The following AK4 variants were observed in gnomAD, a reference collection of about 807,000 sequenced individuals.
AK4 encodes adenylate kinase 4, also known as adenylate kinase 4, mitochondrial.
In AK4, 13 loss-of-function variants were observed where a neutral mutation model predicts 24.6. The ratio of observed to expected loss-of-function variants is 0.53; its 90% CI spans 0.34 to 0.84. The LOEUF is 0.84. Among genes scored for constraint, AK4 ranks in the 40% least tolerant of loss-of-function variants. AK4 has a pLI of 0.01. For synonymous variants in AK4, 88 were observed against 107.0 expected, an observed-to-expected ratio of 0.82 and a Z score of 1.10; for missense variants, 192 against 288.2, an observed-to-expected ratio of 0.67 and a Z score of 2.42.
intron 1 of AK4, among the ~76,000 whole-genome samples, chr1:65,150,279 C>T (rs542346017): frequency 3.3e-5 from 4 of 122,580 alleles, no homozygotes; most frequent in East Asian, 5.2e-4. Flanking sequence ...CTTTCTCTCT[C>T]TCTCTCTTTT....
chr1:65,172,816 T>C (rs1481855824), intron 1 of AK4, among the ~76,000 whole-genome samples: 1 of 151,854 alleles, frequency 6.6e-6, no homozygotes, highest in Non-Finnish European at 1.5e-5. Flanking sequence ...CTCTTCTTCT[T>C]CGCTATTTCT....
intron 1 of AK4, among the ~76,000 whole-genome samples, chr1:65,183,719 T>C (rs929744145): frequency 1.3e-5 from 2 of 151,804 alleles, no homozygotes; most frequent in Admixed American, 1.3e-4. Context: ...GTTCTCATGG[T>C]TTTTCTAAAG....
chr1:65,212,770 A>G (rs1652011062), intron 2 of AK4, among the ~76,000 whole-genome samples: 1 of 152,190 alleles, frequency 6.6e-6, no homozygotes, highest in Non-Finnish European at 1.5e-5. Context: ...AGAAAGAGAG[A>G]ACACTTTAGC....
intron 1 of AK4, among the ~76,000 whole-genome samples, chr1:65,178,072 A>G (rs915128751): frequency 2.6e-5 from 4 of 152,138 alleles, no homozygotes; most frequent in Non-Finnish European, 5.9e-5. Flanking sequence ...TAAAGGGTGT[A>G]ATGAGAAGTT....
chr1:65,151,429 TTTA>T (rs1028744307), intron 1 of AK4, among the ~76,000 whole-genome samples: 13 of 152,232 alleles, frequency 8.5e-5, no homozygotes, highest in African/African-American at 2.9e-4. Context: ...TTGTGCCTCT[TTTA>T]TTATTATTTA....
intron 1 of AK4, among the ~76,000 whole-genome samples, chr1:65,183,360 C>T (rs1650973357): frequency 1.3e-5 from 2 of 152,248 alleles, no homozygotes; most frequent in Admixed American, 6.5e-5. Flanking sequence ...AAGTGATTCT[C>T]ATGCCTCAGC....
chr1:65,165,491 T>C (rs986068358), intron 1 of AK4, among the ~76,000 whole-genome samples: 2 of 151,350 alleles, frequency 1.3e-5, no homozygotes, highest in African/African-American at 4.9e-5. Context: ...AAGGCTGTAG[T>C]GCATGATGAT....
At chr1:65,162,633 G>C (rs2100995248) in intron 1 of AK4, among the ~76,000 whole-genome samples, 1 of 151,730 alleles carries the variant, frequency 6.6e-6, no homozygotes, top group East Asian at 1.9e-4. Context: ...ACAAGGTCAG[G>C]ATATTGAGAC....
At chr1:65,180,139 A>G (rs973218857) in intron 1 of AK4, among the ~76,000 whole-genome samples, 2 of 152,060 alleles carry the variant, frequency 1.3e-5, no homozygotes, top group South Asian at 2.1e-4. Flanking sequence ...TACTTGACCA[A>G]TTATACTGGA....
Position 65,148,331 on chromosome 1 carries a change from G to A in AK4, c.-77G>A. The A allele has an allele frequency of 1.4e-6, 2 of 1,476,688 alleles. No individual in the cohort carries two copies. The highest frequency in any genetic ancestry group is 5.0e-5 in the East Asian group (2 of 39,790). The allele number at this position is 1,476,688 out of a possible 1,614,324, so 91.5% of individuals were successfully genotyped here. A position where few individuals can be genotyped will look rare whatever the true frequency, so the allele number is the denominator to read the frequency against. On this transcript the variant is annotated 5_prime_UTR_variant, in exon 1 of 5. Transcript: ENST00000327299. ...GAGGGTGCCAGAGGTAGGGGGCCGA[G>A]AAACAAAGTTCCCGGGGCTTCCTCC...
chr1:65,169,395 A>T (rs934807701), intron 1 of AK4, among the ~76,000 whole-genome samples: 1 of 152,152 alleles, frequency 6.6e-6, no homozygotes, highest in Non-Finnish European at 1.5e-5. Flanking sequence ...TCAGAGAGGT[A>T]GTGTGGTTGT....
At position 65,224,813 on chromosome 1, in the gene AK4, T is replaced by C; in HGVS notation, c.500T>C (p.Val167Ala). The C allele has an allele frequency of 6.2e-7, 1 of 1,614,022 alleles. No individual in the cohort carries two copies. ...VQQEDDKPEAVAARLRQYKDV... is the reference protein window; with the variant it reads ...VQQEDDKPEAAAARLRQYKDV... ...CAGGAGGATGATAAACCCGAAGCAG[T>C]TGCTGCCAGGCTAAGACAGTACAAA... The change falls in exon 4 of 5, where the codon GTT becomes GCT. Residue 167 changes from valine to alanine, a missense_variant. Transcript: ENST00000327299.
At chr1:65,163,985 A>G (rs1334164268) in intron 1 of AK4, among the ~76,000 whole-genome samples, 1 of 152,112 alleles carries the variant, frequency 6.6e-6, no homozygotes, top group Non-Finnish European at 1.5e-5. Context: ...TCTGCAAAAT[A>G]TCTCAAGAAC....
At chr1:65,192,280 GGAA>G (rs997390977) in intron 2 of AK4, among the ~76,000 whole-genome samples, 11 of 152,188 alleles carry the variant, frequency 7.2e-5, no homozygotes, top group Non-Finnish European at 1.5e-4. Flanking sequence ...CATCAAATGG[GGAA>G]GAAGTGCATG....
chr1:65,197,659 C>T (rs905084995), intron 2 of AK4, among the ~76,000 whole-genome samples: 1 of 152,202 alleles, frequency 6.6e-6, no homozygotes, highest in Non-Finnish European at 1.5e-5. Context: ...TTGAGATGTT[C>T]CTGGCTACGC....
At chr1:65,188,007 A>G (rs1651160984) in intron 1 of AK4, among the ~76,000 whole-genome samples, 1 of 152,186 alleles carries the variant, frequency 6.6e-6, no homozygotes, top group African/African-American at 2.4e-5. Context: ...CTCAAGAGAT[A>G]TGGAGCCCTT....
intron 1 of AK4, among the ~76,000 whole-genome samples, chr1:65,171,048 G>A (rs1650503137): frequency 7.1e-6 from 1 of 141,766 alleles, no homozygotes; most frequent in Admixed American, 7.6e-5. Context: ...GCCTCCACCT[G>A]TCACTCAAGA....
At chr1:65,198,094 T>A (rs913519025) in intron 2 of AK4, among the ~76,000 whole-genome samples, 1 of 152,232 alleles carries the variant, frequency 6.6e-6, no homozygotes, top group Non-Finnish European at 1.5e-5. Flanking sequence ...TAGTTTATCT[T>A]AGTCATTTAT....
At chr1:65,208,480 A>G (rs774402590) in intron 2 of AK4, among the ~76,000 whole-genome samples, 1 of 152,186 alleles carries the variant, frequency 6.6e-6, no homozygotes, top group Non-Finnish European at 1.5e-5. Context: ...TTCAACTTTA[A>G]GCTAATCATC....
Sources: allele counts gnomAD v4.1 joint callset (sites outside exome capture counted in the v4.1 genomes callset), GRCh38; gene constraint gnomAD v4.1.1; transcripts MANE v1.5; gene names NCBI Gene and HGNC (gene_info 2026-07-23, HGNC 2026-07-21).